GMPR: variants seen among roughly 807,000 people sequenced by gnomAD.
GMPR encodes the protein GMP reductase 1.
GMPR carries 31 observed loss-of-function variants against 38.4 expected under a neutral mutation model. The observed-to-expected ratio is 0.81, with a 90% CI of 0.61 to 1.09. The LOEUF is 1.09. Among genes scored for constraint, GMPR ranks in the 50% least tolerant of loss-of-function variants. The pLI is 0.00. For missense variants in GMPR, 468 were observed against 453.7 expected, an observed-to-expected ratio of 1.03 and a Z score of -0.29; for synonymous variants, 162 against 173.3, an observed-to-expected ratio of 0.93 and a Z score of 0.51.
At chr6:16,275,352 A>G (rs1220507103) in intron 5 of GMPR, among the ~76,000 whole-genome samples, 9 of 152,204 alleles carry the variant, frequency 5.9e-5, no homozygotes. Flanking sequence ...AATCTGTGGG[A>G]AAACGCACAG....
intron 4 of GMPR, among the ~76,000 whole-genome samples, chr6:16,267,346 T>C (rs180996181): frequency 6.6e-6 from 1 of 151,780 alleles, no homozygotes; most frequent in Non-Finnish European, 1.5e-5. Context: ...CACTCCGGCC[T>C]GGGTGAGAGG....
Position 16,274,417 on chromosome 6 carries a change from A to G in GMPR, c.468A>G (p.Ala156=). 1.3e-6 allele frequency: 2 copies of G among 1,587,356 alleles called. No individual in the cohort carries two copies. Among genetic ancestry groups the G allele is most frequent in the Non-Finnish European group, 1.7e-6 (2 of 1,155,640 alleles). Residue 156 remains alanine, a splice_region_variant and synonymous_variant, in exon 5 of 9, where the codon GCA becomes GCG. Coordinates refer to ENST00000259727, the MANE Select transcript of GMPR (RefSeq NM_006877.4). ...CAGCTGTATTCTTTCTGTCTCAGGC[A>G]GGGAACGTGGTGACAGGAGAAATGG... ...RAKFPEHTIM[A]GNVVTGEMVE...
Position 16,295,185 on chromosome 6 carries a change from A to C in GMPR, c.1037A>C (p.Ter346SerextTer114). 1 of 1,509,070 alleles carries C rather than the reference A, an allele frequency of 6.6e-7. No homozygotes were observed. The highest frequency in any genetic ancestry group is 8.8e-7 in the Non-Finnish European group (1 of 1,134,878). 93.5% of individuals were successfully genotyped at this position (1,509,070 alleles called of 1,614,324 possible). A position where few individuals can be genotyped will look rare whatever the true frequency, so the allele number is the denominator to read the frequency against. ...VTQQHNTVFS* is the reference protein window; with the variant it reads ...VTQQHNTVFSS ...CAGCAGCACAACACCGTGTTCAGCTAACCCTGGGGACAAAGCAGCGTCTGG... is the reference window on the plus strand; with the variant it reads ...CAGCAGCACAACACCGTGTTCAGCTCACCCTGGGGACAAAGCAGCGTCTGG... Residue 346 changes from the stop codon to serine (S), a stop_lost, in exon 9 of 9, where the codon TAA (stop) becomes TCA (serine). Transcript: ENST00000259727.
chr6:16,261,693 A>AT (rs1759088512), intron 4 of GMPR, among the ~76,000 whole-genome samples: 2 of 152,142 alleles, frequency 1.3e-5, no homozygotes, highest in East Asian at 3.9e-4. Context: ...CAGGCGAGTG[A>AT]TAACAGGCTT....
chr6:16,265,037 AG>A (rs1759164901), intron 4 of GMPR, among the ~76,000 whole-genome samples: 1 of 152,202 alleles, frequency 6.6e-6, no homozygotes, highest in Non-Finnish European at 1.5e-5. Flanking sequence ...GGTGGCTTTC[AG>A]GGAGGAAAGA....
intron 7 of GMPR, among the ~76,000 whole-genome samples, chr6:16,288,509 C>A (rs985940923): frequency 4.0e-5 from 6 of 151,816 alleles, no homozygotes; most frequent in Admixed American, 3.9e-4. Context: ...GGGCTCGGGA[C>A]CTGCCGCCCG....
At chr6:16,243,588 C>A (rs1047798171) in intron 1 of GMPR, among the ~76,000 whole-genome samples, 2 of 152,210 alleles carry the variant, frequency 1.3e-5, no homozygotes, top group South Asian at 4.1e-4. Context: ...ACAGGTGTTA[C>A]AGCTAATGAG....
At chr6:16,286,078 C>G (rs1478022393) in intron 7 of GMPR, among the ~76,000 whole-genome samples, 1 of 152,106 alleles carries the variant, frequency 6.6e-6, no homozygotes, top group South Asian at 2.1e-4. Flanking sequence ...GGTGAAGTCA[C>G]GGCCTTTTCA....
intron 6 of GMPR, among the ~76,000 whole-genome samples, chr6:16,285,038 A>C (rs1357532008): frequency 6.6e-6 from 1 of 151,492 alleles, no homozygotes; most frequent in Non-Finnish European, 1.5e-5. Flanking sequence ...AAAAACAAAA[A>C]AAAAAAAACA....
intron 4 of GMPR, among the ~76,000 whole-genome samples, chr6:16,260,188 AG>A (rs1278699739): frequency 2.0e-5 from 3 of 151,820 alleles, no homozygotes; most frequent in Non-Finnish European, 2.9e-5. Context: ...AGCTTGGTGA[AG>A]TGTGTTTTTA....
In GMPR at chr6:16,274,443, TAGAAGA is replaced by T; in HGVS notation, c.495_500del (p.Glu166_Glu167del). On this transcript the variant is annotated inframe_deletion, in exon 5 of 9. Coordinates refer to ENST00000259727, the MANE Select transcript of GMPR (RefSeq NM_006877.4). ...GGGAACGTGGTGACAGGAGAAATGG[TAGAAGA>T]GCTTATTCTTTCCGGAGCAGATATC... The T allele has an allele frequency of 6.2e-7, 1 of 1,609,388 alleles. No individual in the cohort carries two copies. Among genetic ancestry groups the T allele is most frequent in the Non-Finnish European group, 8.5e-7 (1 of 1,175,668 alleles).
rs540086485 is a variant in GMPR at position 16,261,918 on chromosome 6, C to T, written c.465+7183C>T. ...GGCGGCAATGAGATGTAGCTGTAAT[C>T]CAGGAATAGTCAGGGAAGCAGATAA... On this transcript the variant is annotated intron_variant, in intron 4 of 8. Transcript: ENST00000259727. Among the ~76,000 whole-genome samples the T allele has an allele frequency of 6.4e-4, 97 of 151,816 alleles. 1 individual carries two copies. The highest frequency in any genetic ancestry group is 6.2e-3 in the South Asian group (30 of 4,804).
intron 6 of GMPR, among the ~76,000 whole-genome samples, chr6:16,283,773 G>C (rs1759619639): frequency 6.6e-6 from 1 of 152,158 alleles, no homozygotes; most frequent in South Asian, 2.1e-4. Flanking sequence ...GTGAACAAAA[G>C]AGTGATTTTT....
chr6:16,276,405 A>T (rs1759472484), intron 5 of GMPR, among the ~76,000 whole-genome samples: 1 of 152,156 alleles, frequency 6.6e-6, no homozygotes, highest in Non-Finnish European at 1.5e-5. Context: ...TCCTGGCCTC[A>T]GGTGATCCAC....
At chr6:16,267,216 GA>G (rs935758049) in intron 4 of GMPR, among the ~76,000 whole-genome samples, 3 of 151,946 alleles carry the variant, frequency 2.0e-5, no homozygotes, top group Non-Finnish European at 4.4e-5. Context: ...ACAAAAAAAA[GA>G]AAAAATTAGT....
At chr6:16,249,430 C>T (rs1278840961) in intron 2 of GMPR, among the ~76,000 whole-genome samples, 1 of 152,108 alleles carries the variant, frequency 6.6e-6, no homozygotes, top group Non-Finnish European at 1.5e-5. Flanking sequence ...TCAGCCTCCC[C>T]AAATGCTGGG....
intron 4 of GMPR, among the ~76,000 whole-genome samples, chr6:16,266,925 T>C (rs1345130600): frequency 6.6e-6 from 1 of 151,456 alleles, no homozygotes; most frequent in Non-Finnish European, 1.5e-5. Context: ...GCTGTAACAC[T>C]CACTGCAAAG....
At chr6:16,265,824 A>T (rs770038322) in intron 4 of GMPR, among the ~76,000 whole-genome samples, 1 of 151,262 alleles carries the variant, frequency 6.6e-6, no homozygotes, top group Non-Finnish European at 1.5e-5. Context: ...CTTCCACGCC[A>T]TGGAGGTTTT....
intron 8 of GMPR, 61 bp downstream of exon 8, chr6:16,290,682 G>T: frequency 1.4e-6 from 2 of 1,465,592 alleles, no homozygotes. Context: ...TACGGAGATG[G>T]GATGGAAGCA....
Sources: gnomAD v4.1 joint callset for allele counts (sites outside exome capture counted in the v4.1 genomes callset) on GRCh38, gnomAD v4.1.1 for gene constraint, MANE v1.5 for transcripts, NCBI Gene and HGNC (gene_info 2026-07-23, HGNC 2026-07-21) for gene names.